The following TMEM94 variants were observed in gnomAD, a reference collection of about 807,000 sequenced individuals.
TMEM94 encodes ER Mg2+ ATPase.
Under a neutral mutation model 158.6 loss-of-function variants are expected in TMEM94, and 81 were observed. That is an observed-to-expected ratio of 0.51 (90% CI 0.43 to 0.61). The LOEUF is 0.61. Ranked by LOEUF, TMEM94 falls within the 20% of genes least tolerant of loss-of-function variation. The pLI is 0.00. For synonymous variants in TMEM94, 751 were observed against 730.7 expected (o/e 1.03, Z -0.45); for missense variants, 1,435 against 1,762.0 (o/e 0.81, Z 3.32).
At chr17:75,496,153 G>A in intron 23 of TMEM94, 79 bp downstream of exon 23, 1 of 1,513,440 alleles carries the variant, frequency 6.6e-7, no homozygotes, top group South Asian at 1.2e-5. Flanking sequence ...CGTGGGGCTG[G>A]GGGTGTGTAC....
intron 26 of TMEM94, 118 bp downstream of exon 26, chr17:75,497,316 C>T: frequency 3.6e-6 from 2 of 556,614 alleles, no homozygotes; most frequent in South Asian, 3.5e-5. Context: ...TCCTCTGGTA[C>T]AGGAGGCATG....
At chr17:75,479,648 T>C (rs2051001071) in intron 2 of TMEM94, among the ~76,000 whole-genome samples, 1 of 151,716 alleles carries the variant, frequency 6.6e-6, no homozygotes, top group South Asian at 2.1e-4. Flanking sequence ...CCAGGTACAG[T>C]GGCTCACACC....
intron 26 of TMEM94, 70 bp from the exon 27 acceptor site, chr17:75,497,711 G>T: frequency 7.6e-7 from 1 of 1,314,816 alleles, no homozygotes; most frequent in Non-Finnish European, 1.1e-6. Context: ...CTCCCTAGAG[G>T]TTCCCTCTAT....
At chr17:75,468,092 C>T (rs1567910251) in intron 1 of TMEM94, among the ~76,000 whole-genome samples, 1 of 152,274 alleles carries the variant, frequency 6.6e-6, no homozygotes, top group Middle Eastern at 3.4e-3. Flanking sequence ...AGGTCATTGG[C>T]GTTTGAGACA....
At chr17:75,484,590 T>A (rs2051435170) in intron 2 of TMEM94, among the ~76,000 whole-genome samples, 1 of 151,526 alleles carries the variant, frequency 6.6e-6, no homozygotes. Flanking sequence ...ACAGATGGGG[T>A]TCCTCTATGT....
chr17:75,466,723 C>T (rs1490987580), intron 1 of TMEM94, among the ~76,000 whole-genome samples: 3 of 151,878 alleles, frequency 2.0e-5, no homozygotes, highest in South Asian at 2.1e-4. Flanking sequence ...GAGGCTGAGG[C>T]AGGAGAATCA....
Position 75,494,814 on chromosome 17 carries a change from G to GA in TMEM94, c.2589+7dup. The GA allele has an allele frequency of 6.2e-7, 1 of 1,613,432 alleles. No individual in the cohort carries two copies. Among genetic ancestry groups the GA allele is most frequent in the Non-Finnish European group, 8.5e-7 (1 of 1,179,860 alleles). ...AGGATGAGCTCAAAAGCAAGGTGGGGAGAGCCATCCCTTCTGCCACCACTA... is the reference window on the plus strand; with the variant it reads ...AGGATGAGCTCAAAAGCAAGGTGGGGAAGAGCCATCCCTTCTGCCACCACTA... On this transcript the variant is annotated splice_region_variant and intron_variant, in intron 19 of 31. Coordinates refer to ENST00000314256, the MANE Select transcript of TMEM94 (RefSeq NM_014738.6).
At chr17:75,464,672 C>CTTTCTTTCTTTCT (rs1567906973) in intron 1 of TMEM94, among the ~76,000 whole-genome samples, 6 of 86,514 alleles carry the variant, frequency 6.9e-5, no homozygotes, top group African/African-American at 2.9e-4. Flanking sequence ...TCCTTCCTTC[C>CTTTCTTTCTTTCT]TTCCTTCTTT....
intron 26 of TMEM94, 40 bp from the exon 27 acceptor site, chr17:75,497,741 G>T: frequency 1.3e-6 from 2 of 1,529,154 alleles, no homozygotes; most frequent in Non-Finnish European, 1.8e-6. Flanking sequence ...GGGACAGAGG[G>T]TCATTGTCAC....
intron 4 of TMEM94, 38 bp from the exon 5 acceptor site, chr17:75,486,252 C>T (rs1180144119): frequency 1.2e-6 from 2 of 1,612,248 alleles, no homozygotes; most frequent in Admixed American, 3.3e-5. Context: ...GGCGAGCCCT[C>T]ACTCCCTGTG....
intron 1 of TMEM94, among the ~76,000 whole-genome samples, chr17:75,463,093 C>CGT (rs2050154300): frequency 1.2e-4 from 1 of 8,632 alleles, no homozygotes; most frequent in African/African-American, 1.9e-3. Flanking sequence ...CACACACACA[C>CGT]ATATATATGT....
chr17:75,491,837 C>A lies in TMEM94; in HGVS notation c.1533C>A (p.His511Gln). Residue 511 changes from histidine (H) to glutamine (Q), a missense_variant, in exon 14 of 32, where the codon CAC becomes CAA. This residue lies in a region of TMEM94 where 1,051 missense variants were observed against 1,254.4 expected (regional missense o/e 0.84). Coordinates refer to ENST00000314256, the MANE Select transcript of TMEM94 (RefSeq NM_014738.6). This position sits in a 1 kb window ranked among gnomAD's most constrained non-coding sequence, Gnocchi z 5.1. ...SHHKAHGRSK[H>Q]PSGSNVSFSR... ...ACAAAGCGCATGGCCGCAGCAAACA[C>A]CCATCTGGCTCCAACGTGAGCTTCA... 1 of 1,614,068 alleles carries A rather than the reference C, an allele frequency of 6.2e-7. No homozygotes were observed. Among genetic ancestry groups the A allele is most frequent in the Non-Finnish European group, 8.5e-7 (1 of 1,180,028 alleles).
chr17:75,475,642 A>G (rs2050655383), intron 2 of TMEM94, among the ~76,000 whole-genome samples: 1 of 152,212 alleles, frequency 6.6e-6, no homozygotes, highest in South Asian at 2.1e-4. Context: ...GCTCTGCCTG[A>G]TGCTCTGGCA....
At chr17:75,459,056 CA>C (rs56267733) in intron 1 of TMEM94, among the ~76,000 whole-genome samples, 57 of 94,738 alleles carry the variant, frequency 6.0e-4, no homozygotes, top group Admixed American at 2.2e-3. Context: ...GACTCCGTCT[CA>C]AAAAAAAAAA....
chr17:75,459,210 T>C (rs1204122473), intron 1 of TMEM94, among the ~76,000 whole-genome samples: 2 of 152,228 alleles, frequency 1.3e-5, no homozygotes, highest in Non-Finnish European at 2.9e-5. Flanking sequence ...TGGTTCTCTT[T>C]GTCAAAACTG....
chr17:75,474,645 A>G (rs2050611469), intron 2 of TMEM94, among the ~76,000 whole-genome samples: 1 of 152,136 alleles, frequency 6.6e-6, no homozygotes, highest in Non-Finnish European at 1.5e-5. Context: ...GAATCTCTAA[A>G]AAACAAAACA....
intron 2 of TMEM94, among the ~76,000 whole-genome samples, chr17:75,481,559 C>T (rs2051161281): frequency 6.6e-6 from 1 of 152,228 alleles, no homozygotes; most frequent in Non-Finnish European, 1.5e-5. Flanking sequence ...TGTGCCCTGC[C>T]AGGGCTGAGG....
rs1237914175 is a variant in TMEM94, at chr17:75,485,065, A to G, written c.25-363A>G. ...AAAAAAAAAAAAAATTGTCCATGCA[A>G]TCAAAGACTGGCCCCCTTGCAATAA... On this transcript the variant is annotated intron_variant, in intron 2 of 31. Transcript: ENST00000314256. The surrounding 1 kb of genome is among the most constrained non-coding windows in gnomAD (Gnocchi z 5.5). Among the ~76,000 whole-genome samples, 1 of 152,066 alleles carries G rather than the reference A, an allele frequency of 6.6e-6. No homozygotes were observed. The highest frequency in any genetic ancestry group is 1.5e-5 in the Non-Finnish European group (1 of 68,026).
rs185062161 is a variant in TMEM94, at chr17:75,479,689, G to A, written c.25-5739G>A. 2.0e-5 allele frequency among the ~76,000 whole-genome samples: 3 copies of A among 152,130 alleles called. No individual in the cohort carries two copies. In the East Asian group the frequency reaches 5.9e-4, roughly 30 times the overall value. ...TCCCAACACTTTGGGAGGCTGAGGT[G>A]GGCAGATCACATGAGCCCAGGAGCT... On this transcript the variant is annotated intron_variant, in intron 2 of 31. Coordinates refer to ENST00000314256, the MANE Select transcript of TMEM94 (RefSeq NM_014738.6).
Sources: allele counts gnomAD v4.1 joint callset (sites outside exome capture counted in the v4.1 genomes callset), GRCh38; gene constraint gnomAD v4.1.1; regional missense constraint gnomAD v4.1.1; non-coding constraint Gnocchi (gnomAD v3.1); transcripts MANE v1.5; gene names NCBI Gene and HGNC (gene_info 2026-07-23, HGNC 2026-07-21).